The following FHIT variants were observed in gnomAD, a reference collection of about 807,000 sequenced individuals.
FHIT encodes the protein fragile histidine triad diadenosine triphosphatase.
Under a neutral mutation model 17.9 loss-of-function variants are expected in FHIT, and 19 were observed. The ratio of observed to expected loss-of-function variants is 1.06; its 90% CI spans 0.74 to 1.56. The LOEUF (loss-of-function observed/expected upper bound fraction) is 1.56, where lower values mean the gene tolerates loss of function less well. Ranked by LOEUF, FHIT falls within the 40% of genes most tolerant of loss-of-function variation. The pLI is 0.00. For synonymous variants in FHIT, 81 were observed against 69.7 expected (o/e 1.16, Z -0.81); for missense variants, 248 against 189.2 (o/e 1.31, Z -1.82).
intron 5 of FHIT, among the ~76,000 whole-genome samples, chr3:60,321,013 A>G (rs1049935142): frequency 9.9e-5 from 15 of 152,224 alleles, no homozygotes; most frequent in African/African-American, 3.4e-4. Context: ...GAGACTGAAG[A>G]AAACAGTAAA....
chr3:60,637,282 G>T (rs956693602), intron 4 of FHIT, among the ~76,000 whole-genome samples: 16 of 152,154 alleles, frequency 1.1e-4, no homozygotes, highest in African/African-American at 3.9e-4. Flanking sequence ...GTAGAAGTTA[G>T]AGAATTACCT....
intron 1 of FHIT, among the ~76,000 whole-genome samples, chr3:61,219,166 G>A (rs544871166): frequency 9.9e-5 from 15 of 152,002 alleles, no homozygotes; most frequent in Admixed American, 2.6e-4. Context: ...CATATAAAAG[G>A]TATGGTAAAA....
At chr3:59,915,788 C>A (rs1379850267) in intron 8 of FHIT, among the ~76,000 whole-genome samples, 4 of 151,996 alleles carry the variant, frequency 2.6e-5, no homozygotes, top group Non-Finnish European at 5.9e-5. Flanking sequence ...AAGCATTAGC[C>A]AGGTGTGGTG....
intron 2 of FHIT, among the ~76,000 whole-genome samples, chr3:61,066,298 A>G (rs1317647430): frequency 6.6e-6 from 1 of 152,174 alleles, no homozygotes. Flanking sequence ...ACACATTCAA[A>G]ACACAGCATT....
intron 5 of FHIT, among the ~76,000 whole-genome samples, chr3:60,159,873 A>T (rs1002154416): frequency 3.9e-5 from 6 of 152,158 alleles, no homozygotes; most frequent in Non-Finnish European, 7.4e-5. Flanking sequence ...CCTCACACTC[A>T]ACAGCGGCTC....
chr3:59,770,807 G>T (rs982375152), intron 8 of FHIT, among the ~76,000 whole-genome samples: 5 of 152,192 alleles, frequency 3.3e-5, no homozygotes, highest in African/African-American at 1.2e-4. Context: ...TCAAGTGGCA[G>T]GGAAGGAGTC....
At chr3:60,441,755 A>ATATATATATATAT (rs1559916082) in intron 5 of FHIT, among the ~76,000 whole-genome samples, 1 of 96,574 alleles carries the variant, frequency 1.0e-5, no homozygotes, top group Non-Finnish European at 1.9e-5. Flanking sequence ...TATATATATA[A>ATATATATATATAT]AAATATATAT....
intron 8 of FHIT, among the ~76,000 whole-genome samples, chr3:59,795,426 T>C (rs1046362004): frequency 6.6e-5 from 10 of 151,840 alleles, no homozygotes; most frequent in Middle Eastern, 3.4e-3. Context: ...CTTATTTTTA[T>C]ATAAAATAAG....
intron 4 of FHIT, among the ~76,000 whole-genome samples, chr3:60,571,335 C>CAAAAAAAAAAAAAAAAAAAAAAAA (rs56094072): frequency 3.7e-5 from 2 of 54,676 alleles, no homozygotes; most frequent in Admixed American, 2.9e-4. Context: ...GACTCCATCG[C>CAAAAAAAAAAAAAAAAAAAAAAAA]AAAAAAAAAA....
intron 5 of FHIT, among the ~76,000 whole-genome samples, chr3:60,131,001 A>ACATATGTGTATATATACACATATATG (rs1699553695): frequency 1.0e-5 from 1 of 95,298 alleles, no homozygotes; most frequent in South Asian, 3.5e-4. Context: ...ACACATATAT[A>ACATATGTGTATATATACACATATATG]CATATGTGTA....
intron 8 of FHIT, among the ~76,000 whole-genome samples, chr3:59,846,581 A>G (rs1412343751): frequency 6.6e-6 from 1 of 152,198 alleles, no homozygotes; most frequent in African/African-American, 2.4e-5. Context: ...TATTCTCTTA[A>G]TTCATATAGA....
At chr3:60,038,002 C>T (rs1284657982) in intron 5 of FHIT, among the ~76,000 whole-genome samples, 1 of 152,078 alleles carries the variant, frequency 6.6e-6, no homozygotes, top group African/African-American at 2.4e-5. Context: ...GTGTGAGGCA[C>T]TGTACCTTGC....
At chr3:60,449,596 T>C (rs1241657313) in intron 5 of FHIT, among the ~76,000 whole-genome samples, 2 of 152,116 alleles carry the variant, frequency 1.3e-5, no homozygotes, top group African/African-American at 2.4e-5. Flanking sequence ...TATAGCCTAT[T>C]GCTCCTCCTA....
chr3:60,348,733 A>G (rs73107018), intron 5 of FHIT, among the ~76,000 whole-genome samples: 21,822 of 152,234 alleles, frequency 0.14, 1,671 homozygotes, highest in Non-Finnish European at 0.16. Context: ...TTAGCCATGT[A>G]ACTTGACTTG....
chr3:59,867,721 C>G (rs1240983969), intron 8 of FHIT, among the ~76,000 whole-genome samples: 2 of 152,030 alleles, frequency 1.3e-5, no homozygotes, highest in African/African-American at 2.4e-5. Flanking sequence ...CTCTAAAATT[C>G]AGGACCAAAT....
Position 60,202,389 on chromosome 3 carries a change from C to G in FHIT, c.104-188237G>C, listed in dbSNP as rs1326655285. The stretch of plus-strand genomic sequence containing the variant: ...TCCTCCACATTTTCCTGACTCCTTT[C>G]AAGTTCTCCTAGAGAGCTCCTAAGA... On this transcript the variant is annotated intron_variant, in intron 5 of 9. Coordinates refer to ENST00000492590, the MANE Select transcript of FHIT (RefSeq NM_002012.4). Among the ~76,000 whole-genome samples, 5 of 152,174 alleles carry G rather than the reference C, an allele frequency of 3.3e-5. No homozygotes were observed. In the East Asian group the frequency reaches 9.6e-4, roughly 29 times the overall value.
chr3:60,836,813 G>A (rs529872158), intron 3 of FHIT, among the ~76,000 whole-genome samples: 4 of 152,260 alleles, frequency 2.6e-5, no homozygotes, highest in Admixed American at 2.0e-4. Flanking sequence ...GGGAAAACTT[G>A]ATAAGGAAGG....
At chr3:61,116,194 T>G (rs1317378206) in intron 2 of FHIT, among the ~76,000 whole-genome samples, 1 of 152,106 alleles carries the variant, frequency 6.6e-6, no homozygotes, top group Non-Finnish European at 1.5e-5. Flanking sequence ...GGTGCCATCT[T>G]AAGTTTCCCT....
At chr3:60,176,259 G>A (rs908307707) in intron 5 of FHIT, among the ~76,000 whole-genome samples, 17 of 152,138 alleles carry the variant, frequency 1.1e-4, no homozygotes, top group African/African-American at 4.1e-4. Context: ...GGCTGAGGCA[G>A]GAGAATTGCT....
Sources: gnomAD v4.1 joint callset for allele counts (sites outside exome capture counted in the v4.1 genomes callset) on GRCh38, gnomAD v4.1.1 for gene constraint, MANE v1.5 for transcripts, NCBI Gene and HGNC (gene_info 2026-07-23, HGNC 2026-07-21) for gene names.